The following MNS1 variants were observed in gnomAD, a reference collection of about 807,000 sequenced individuals.
The protein encoded by MNS1 is meiosis-specific nuclear structural protein 1.
MNS1 carries 63 observed loss-of-function variants against 72.0 expected under a neutral mutation model. The observed-to-expected ratio is 0.87, with a 90% confidence interval of 0.71 to 1.08. The LOEUF (loss-of-function observed/expected upper bound fraction) is 1.08, where lower values mean the gene tolerates loss of function less well. Ranked by LOEUF, MNS1 falls within the 50% of genes least tolerant of loss-of-function variation. The pLI, the probability that MNS1 is intolerant of heterozygous loss-of-function variation, is 0.00. For synonymous variants in MNS1, 188 were observed against 172.1 expected, an observed-to-expected ratio of 1.09 and a Z score of -0.72; for missense variants, 604 against 562.4, an observed-to-expected ratio of 1.07 and a Z score of -0.75.
At chr15:56,431,582 T>G in intron 8 of MNS1, 84 bp from the exon 9 acceptor site, 5 of 1,363,834 alleles carry the variant, frequency 3.7e-6, no homozygotes, top group Non-Finnish European at 5.1e-6. Flanking sequence ...ATGCAATGAA[T>G]TAGATAAAAT....
intron 7 of MNS1, among the ~76,000 whole-genome samples, chr15:56,442,767 A>C (rs551335512): frequency 2.6e-5 from 4 of 152,276 alleles, no homozygotes; most frequent in African/African-American, 9.6e-5. Context: ...GTGAGGATCA[A>C]TAAACTACCT....
chr15:56,437,617 G>T (rs1338725132), intron 7 of MNS1, among the ~76,000 whole-genome samples: 1 of 152,158 alleles, frequency 6.6e-6, no homozygotes, highest in African/African-American at 2.4e-5. Flanking sequence ...TCTGGCCAGG[G>T]CAGTCAGGCA....
At chr15:56,451,896 C>T (rs529873061) in intron 3 of MNS1, among the ~76,000 whole-genome samples, 4 of 152,056 alleles carry the variant, frequency 2.6e-5, no homozygotes, top group Admixed American at 1.3e-4. Context: ...TTATTACTTA[C>T]GTCTAGTTTA....
At chr15:56,451,106 A>G (rs1016479830) in intron 3 of MNS1, among the ~76,000 whole-genome samples, 1 of 152,172 alleles carries the variant, frequency 6.6e-6, no homozygotes, top group South Asian at 2.1e-4. Context: ...AGAGTTCTTT[A>G]TATATTTCAG....
chr15:56,456,587 T>C, intron 2 of MNS1, 66 bp from the exon 3 acceptor site: 1 of 1,552,490 alleles, frequency 6.4e-7, no homozygotes, highest in East Asian at 2.3e-5. Context: ...AAGGTTGAAT[T>C]TGTTTTATAA....
chr15:56,436,280 C>T (rs1160850127), intron 7 of MNS1, among the ~76,000 whole-genome samples: 1 of 152,134 alleles, frequency 6.6e-6, no homozygotes, highest in Non-Finnish European at 1.5e-5. Flanking sequence ...TGCAATCAAA[C>T]TAGAACTCAG....
At chr15:56,447,729 A>G (rs2050917612) in intron 3 of MNS1, 1 of 152,166 alleles carries the variant, frequency 6.6e-6, no homozygotes, top group Non-Finnish European at 1.5e-5. Flanking sequence ...ATATGTATGC[A>G]CCTGTGAAAC....
intron 4 of MNS1, among the ~76,000 whole-genome samples, chr15:56,444,917 TTAA>T (rs1453875154): frequency 6.6e-6 from 1 of 152,054 alleles, no homozygotes; most frequent in East Asian, 1.9e-4. Context: ...ATAAGGATTA[TTAA>T]TAACTCCACA....
chr15:56,442,566 G>A (rs1300054805), intron 7 of MNS1, among the ~76,000 whole-genome samples: 1 of 152,156 alleles, frequency 6.6e-6, no homozygotes, highest in African/African-American at 2.4e-5. Flanking sequence ...CCATAAAAAA[G>A]AACAAAATCA....
intron 7 of MNS1, among the ~76,000 whole-genome samples, 193 bp downstream of exon 7, chr15:56,443,237 T>C (rs779540693): frequency 3.3e-5 from 5 of 152,206 alleles, no homozygotes; most frequent in Non-Finnish European, 7.4e-5. Flanking sequence ...CTTTTTATGG[T>C]AAGTTTATAA....
chr15:56,429,375 A>G (rs1248248536), intron 9 of MNS1, 182 bp from the exon 10 acceptor site: 1 of 520,764 alleles, frequency 1.9e-6, no homozygotes, highest in African/African-American at 2.0e-5. Context: ...ATATATATTG[A>G]ATATTCCTAG....
intron 3 of MNS1, among the ~76,000 whole-genome samples, chr15:56,454,673 C>A (rs1282154104): frequency 6.6e-6 from 1 of 152,106 alleles, no homozygotes; most frequent in Non-Finnish European, 1.5e-5. Flanking sequence ...AAATTCCAGG[C>A]CAGCATCTCC....
At chr15:56,440,856 A>G (rs1344113150) in intron 7 of MNS1, among the ~76,000 whole-genome samples, 1 of 152,176 alleles carries the variant, frequency 6.6e-6, no homozygotes, top group Non-Finnish European at 1.5e-5. Context: ...TTACATGGAT[A>G]TACTATATTT....
rs1422545918 is a variant in MNS1, at chr15:56,428,983, A to G, written c.*118T>C. The G allele has an allele frequency of 1.4e-4, 81 of 575,238 alleles. 2 individuals are homozygous for G. Among genetic ancestry groups the G allele is most frequent in the Non-Finnish European group, 2.3e-4 (78 of 334,200 alleles). The allele number at this position is 575,238 out of a possible 1,614,324, so 35.6% of individuals were successfully genotyped here. A position where few individuals can be genotyped will look rare whatever the true frequency, so the allele number is the denominator to read the frequency against. On this transcript the variant is annotated 3_prime_UTR_variant, in exon 10 of 10. Transcript: ENST00000260453. Reference sequence around the variant, plus strand: ...TTACAAGTTATGAAATTCAGTGATGATTTACAAAATCCAAACAGACAATGG... The same window carrying G: ...TTACAAGTTATGAAATTCAGTGATGGTTTACAAAATCCAAACAGACAATGG...
chr15:56,453,369 A>C (rs2050960994), intron 3 of MNS1, among the ~76,000 whole-genome samples: 1 of 152,112 alleles, frequency 6.6e-6, no homozygotes, highest in Non-Finnish European at 1.5e-5. Flanking sequence ...ATTGGTGATC[A>C]ATCTTCTGTT....
intron 7 of MNS1, among the ~76,000 whole-genome samples, chr15:56,434,701 A>T (rs79167969): frequency 0.013 from 2,001 of 152,164 alleles, 39 homozygotes; most frequent in African/African-American, 0.039. Flanking sequence ...TTTTTTGCAC[A>T]CCTGAGTTTA....
intron 4 of MNS1, 97 bp downstream of exon 4, chr15:56,446,744 G>T: frequency 1.2e-6 from 1 of 850,294 alleles, no homozygotes; most frequent in Non-Finnish European, 1.8e-6. Context: ...ATCTAGCAGT[G>T]TAAATTCTTT....
chr15:56,433,670 A>G (rs533229706), intron 8 of MNS1, among the ~76,000 whole-genome samples: 160 of 152,194 alleles, frequency 1.1e-3, no homozygotes, highest in African/African-American at 3.7e-3. Context: ...CAATGCTCTC[A>G]CTTGAATCGT....
intron 7 of MNS1, among the ~76,000 whole-genome samples, chr15:56,439,769 AAAAAC>A (rs1404357277): frequency 1.3e-5 from 2 of 151,568 alleles, no homozygotes; most frequent in Admixed American, 6.6e-5. Context: ...AAAAACCCAA[AAAAAC>A]AAAACACACA....
Sources: allele counts gnomAD v4.1 joint callset (sites outside exome capture counted in the v4.1 genomes callset), GRCh38; gene constraint gnomAD v4.1.1; transcripts MANE v1.5; gene names NCBI Gene and HGNC (gene_info 2026-07-23, HGNC 2026-07-21).